XIRP2: variants seen among roughly 807,000 people sequenced by gnomAD.
XIRP2 encodes xin actin binding repeat containing 2, also known as xin actin-binding repeat-containing protein 2.
In XIRP2, 236 loss-of-function variants were observed where a neutral mutation model predicts 277.0. That is an observed-to-expected ratio of 0.85 (90% CI 0.77 to 0.95). The LOEUF (loss-of-function observed/expected upper bound fraction) is 0.95. XIRP2 is among the 40% of genes least tolerant of loss of function. The pLI, the probability that XIRP2 is intolerant of heterozygous loss-of-function variation, is 0.00. For missense variants in XIRP2, 4,640 were observed against 4,157.5 expected (o/e 1.12, Z -3.19); for synonymous variants, 1,490 against 1,416.5 (o/e 1.05, Z -1.17).
chr2:167,137,210 G>A (rs1691582039), intron 3 of XIRP2, among the ~76,000 whole-genome samples: 1 of 152,100 alleles, frequency 6.6e-6, no homozygotes, highest in African/African-American at 2.4e-5. Context: ...ACAGTCAAGG[G>A]GAGTTTGCTA....
At chr2:167,179,389 C>T (rs1382086976) in intron 3 of XIRP2, among the ~76,000 whole-genome samples, 1 of 149,218 alleles carries the variant, frequency 6.7e-6, no homozygotes, top group Non-Finnish European at 1.5e-5. Context: ...GGCGCCATCT[C>T]GGCTCACTGC....
chr2:166,934,490 C>T (rs1685438573), intron 2 of XIRP2, among the ~76,000 whole-genome samples: 14 of 152,126 alleles, frequency 9.2e-5, no homozygotes, highest in Admixed American at 9.2e-4. Flanking sequence ...CCTATTGAGA[C>T]CCTGAAGCAG....
intron 9 of XIRP2, among the ~76,000 whole-genome samples, chr2:167,253,034 C>T (rs528081429): frequency 2.8e-4 from 42 of 151,922 alleles, no homozygotes; most frequent in African/African-American, 8.9e-4. Flanking sequence ...CTACTAGAAC[C>T]AAATAAGCAA....
chr2:167,240,010 G>A, intron 6 of XIRP2, 45 bp downstream of exon 6: 2 of 1,495,814 alleles, frequency 1.3e-6, no homozygotes, highest in South Asian at 1.3e-5. Context: ...TTCCAGGACT[G>A]TATGGAAATT....
Position 167,257,836 on chromosome 2 carries a change from T to C in XIRP2, c.*40-21T>C, listed in dbSNP as rs766217979. ...CTTACAGTAAATACGAACTGCTAAG[T>C]GTTCTTTTTCTTTTTGGCAGTTTGG... On this transcript the variant is annotated intron_variant, in intron 10 of 10. Coordinates refer to ENST00000409195, the MANE Select transcript of XIRP2 (RefSeq NM_152381.6). 64 of 1,572,054 alleles carry C rather than the reference T, an allele frequency of 4.1e-5. 1 individual carries two copies. Among genetic ancestry groups the C allele is most frequent in the Admixed American group, 4.0e-4 (21 of 52,318 alleles).
At chr2:167,154,114 G>C (rs1245360816) in intron 3 of XIRP2, among the ~76,000 whole-genome samples, 1 of 149,614 alleles carries the variant, frequency 6.7e-6, no homozygotes, top group Non-Finnish European at 1.5e-5. Flanking sequence ...ACTGGTGTGA[G>C]ATGGTATCTC....
At chr2:167,071,377 T>C (rs1175517123) in intron 2 of XIRP2, among the ~76,000 whole-genome samples, 1 of 152,118 alleles carries the variant, frequency 6.6e-6, no homozygotes, top group Non-Finnish European at 1.5e-5. Flanking sequence ...TAAAAAGTAA[T>C]ATGAGTTACA....
At chr2:166,911,032 A>C (rs2105345895) in intron 2 of XIRP2, among the ~76,000 whole-genome samples, 1 of 152,312 alleles carries the variant, frequency 6.6e-6, no homozygotes, top group South Asian at 2.1e-4. Flanking sequence ...TTTACTTCCA[A>C]CTATGTGGTC....
chr2:167,248,634 A>T lies in XIRP2; in HGVS notation c.7242A>T (p.Gly2414=), dbSNP rs562517126. 1 of 1,613,748 alleles carries T rather than the reference A, an allele frequency of 6.2e-7. No individual in the cohort carries two copies. The highest frequency in any genetic ancestry group is 8.5e-7 in the Non-Finnish European group (1 of 1,179,836). The change falls in exon 9 of 11, where the codon GGA becomes GGT. Residue 2414 remains glycine (G), a synonymous_variant. Transcript: ENST00000409195. ...ATTCTCAGGCTAAAATCATAACAGG[A>T]AAAACCGGTGTGTTGCCACCTCCCA... ...SQNSQAKIIT[G]KTGVLPPPTL... is the part of the protein sequence containing the mutation.
chr2:166,923,856 A>G (rs562227100), intron 2 of XIRP2, among the ~76,000 whole-genome samples: 25 of 152,156 alleles, frequency 1.6e-4, no homozygotes, highest in African/African-American at 5.5e-4. Context: ...GATATCTTCC[A>G]TTTGTCACTA....
intron 9 of XIRP2, among the ~76,000 whole-genome samples, chr2:167,253,777 G>GT (rs1339491893): frequency 6.6e-6 from 1 of 151,558 alleles, no homozygotes; most frequent in Non-Finnish European, 1.5e-5. Context: ...ACTCATGTAT[G>GT]TTTTTTTAAA....
intron 2 of XIRP2, among the ~76,000 whole-genome samples, chr2:166,938,626 C>T (rs1266015889): frequency 6.6e-6 from 1 of 152,138 alleles, no homozygotes; most frequent in Non-Finnish European, 1.5e-5. Flanking sequence ...TGATGCAGAG[C>T]TGAGTTTAAT....
At chr2:167,151,043 T>C (rs774378266) in intron 3 of XIRP2, among the ~76,000 whole-genome samples, 3 of 152,090 alleles carry the variant, frequency 2.0e-5, no homozygotes, top group Non-Finnish European at 2.9e-5. Flanking sequence ...TCAAAAATCC[T>C]GTTTTGAGAT....
rs576110894 is a variant in XIRP2 at position 167,250,670 on chromosome 2, G to A, written c.9278G>A (p.Arg3093His). The change falls in exon 9 of 11, where the codon CGT becomes CAT. Residue 3093 changes from arginine to histidine, a missense_variant. By Grantham distance (29) the Arg-to-His change is conservative (BLOSUM62 0). Coordinates refer to ENST00000409195, the MANE Select transcript of XIRP2 (RefSeq NM_152381.6). Reference sequence around the variant, plus strand: ...GCAGCTCATCATGAAGCAACTGTTCGTAGTCACGTGAAAACCCATCAGGAA... The same window carrying A: ...GCAGCTCATCATGAAGCAACTGTTCATAGTCACGTGAAAACCCATCAGGAA... ...QVAAHHEATV[R>H]SHVKTHQEIK... 19 of 1,613,416 alleles carry A rather than the reference G, an allele frequency of 1.2e-5. 1 individual carries two copies. Among genetic ancestry groups the A allele is most frequent in the East Asian group, 1.1e-4 (5 of 44,806 alleles).
intron 2 of XIRP2, among the ~76,000 whole-genome samples, chr2:166,906,467 T>A (rs566354503): frequency 1.3e-5 from 2 of 152,108 alleles, no homozygotes; most frequent in Non-Finnish European, 2.9e-5. Context: ...TGTATGTATA[T>A]TTACTTGTAA....
At chr2:167,031,921 A>G (rs1574186465) in intron 2 of XIRP2, among the ~76,000 whole-genome samples, 2 of 152,264 alleles carry the variant, frequency 1.3e-5, no homozygotes, top group South Asian at 4.1e-4. Flanking sequence ...TCAAGCTGCC[A>G]TTGACTTTTT....
At chr2:166,977,726 GGAAT>G (rs1481947760) in intron 2 of XIRP2, among the ~76,000 whole-genome samples, 2 of 152,116 alleles carry the variant, frequency 1.3e-5, no homozygotes, top group Non-Finnish European at 2.9e-5. Flanking sequence ...GATGGAGAGG[GGAAT>G]AAGTGAAGTA....
intron 3 of XIRP2, among the ~76,000 whole-genome samples, chr2:167,177,309 G>T: frequency 6.6e-6 from 1 of 151,870 alleles, no homozygotes; most frequent in Non-Finnish European, 1.5e-5. Context: ...GTTTTCAGAT[G>T]GACTTAAAAC....
intron 2 of XIRP2, among the ~76,000 whole-genome samples, chr2:167,003,978 T>A (rs1687438978): frequency 6.6e-6 from 1 of 151,918 alleles, no homozygotes; most frequent in Non-Finnish European, 1.5e-5. Context: ...GGTTTTAAAT[T>A]ATCGAGTTAA....
Sources: gnomAD v4.1 joint callset for allele counts (sites outside exome capture counted in the v4.1 genomes callset) on GRCh38, gnomAD v4.1.1 for gene constraint, MANE v1.5 for transcripts, NCBI Gene and HGNC (gene_info 2026-07-23, HGNC 2026-07-21) for gene names.